Variants in MARCHF1 observed in about 807,000 individuals in gnomAD.
The protein encoded by MARCHF1 is membrane associated ring-CH-type finger 1, also known as E3 ubiquitin-protein ligase MARCHF1.
In MARCHF1, 40 loss-of-function variants were observed where a neutral mutation model predicts 54.2. That is an observed-to-expected ratio of 0.74 (90% CI 0.57 to 0.96). The LOEUF is 0.96. Among genes scored for constraint, MARCHF1 ranks in the 40% least tolerant of loss-of-function variants. The pLI is 0.00. For missense variants in MARCHF1, 586 were observed against 656.5 expected (o/e 0.89, Z 1.17); for synonymous variants, 236 against 236.3 (o/e 1.00, Z 0.01).
chr4:164,207,225 A>G (rs1731630972), intron 1 of MARCHF1, among the ~76,000 whole-genome samples: 2 of 152,194 alleles, frequency 1.3e-5, no homozygotes, highest in Non-Finnish European at 2.9e-5. Context: ...TTATTTCCTA[A>G]TACATCTGTA....
At chr4:163,864,616 A>G (rs1035752050) in intron 3 of MARCHF1, among the ~76,000 whole-genome samples, 2 of 152,034 alleles carry the variant, frequency 1.3e-5, no homozygotes, top group Non-Finnish European at 2.9e-5. Flanking sequence ...TAAGATGTTA[A>G]TAATAGGAGA....
At chr4:164,161,506 T>C (rs1730233425) in intron 1 of MARCHF1, among the ~76,000 whole-genome samples, 1 of 151,132 alleles carries the variant, frequency 6.6e-6, no homozygotes, top group African/African-American at 2.4e-5. Flanking sequence ...TATTTTTAAA[T>C]CTTTCCATGT....
chr4:163,556,149 CATT>C (rs1739278620), intron 8 of MARCHF1, among the ~76,000 whole-genome samples: 2 of 151,866 alleles, frequency 1.3e-5, no homozygotes, highest in South Asian at 4.2e-4. Flanking sequence ...ATGTATCGGA[CATT>C]GTTGTAGGAT....
chr4:163,780,730 G>A (rs566457577), intron 4 of MARCHF1, among the ~76,000 whole-genome samples: 1 of 152,258 alleles, frequency 6.6e-6, no homozygotes, highest in South Asian at 2.1e-4. Context: ...GTTGTTTTTG[G>A]TTTTCAAATA....
At chr4:163,644,200 A>C (rs1742667064) in intron 5 of MARCHF1, among the ~76,000 whole-genome samples, 1 of 152,150 alleles carries the variant, frequency 6.6e-6, no homozygotes, top group African/African-American at 2.4e-5. Context: ...TTAGAATAGA[A>C]GGTCCACCAC....
chr4:164,310,596 T>C (rs1579710113), intron 1 of MARCHF1, among the ~76,000 whole-genome samples: 1 of 151,564 alleles, frequency 6.6e-6, no homozygotes, highest in South Asian at 2.1e-4. Context: ...GTTTTTATGT[T>C]CAACAAAAAG....
chr4:163,747,255 A>G (rs1464199027), intron 4 of MARCHF1, among the ~76,000 whole-genome samples: 7 of 152,228 alleles, frequency 4.6e-5, no homozygotes, highest in African/African-American at 1.7e-4. Context: ...CTGAATCTAC[A>G]TTAGCTGACT....
intron 2 of MARCHF1, among the ~76,000 whole-genome samples, chr4:164,018,929 C>T (rs892039080): frequency 2.0e-5 from 3 of 152,140 alleles, no homozygotes; most frequent in African/African-American, 7.2e-5. Context: ...AATCCGTAAT[C>T]CACAAGAGAG....
intron 5 of MARCHF1, chr4:163,613,692 A>G (rs1014031310): frequency 2.8e-5 from 22 of 791,354 alleles, no homozygotes; most frequent in African/African-American, 3.7e-5. Flanking sequence ...GAATAGCTCA[A>G]TTTGCTTTGG....
intron 5 of MARCHF1, among the ~76,000 whole-genome samples, chr4:163,667,948 A>T (rs1264076010): frequency 2.6e-5 from 4 of 152,156 alleles, no homozygotes; most frequent in Non-Finnish European, 5.9e-5. Flanking sequence ...ATTTAATAAA[A>T]AGTATGATTT....
At chr4:163,553,746 G>A (rs944108492) in intron 8 of MARCHF1, among the ~76,000 whole-genome samples, 3 of 152,172 alleles carry the variant, frequency 2.0e-5, no homozygotes, top group Non-Finnish European at 4.4e-5. Context: ...AAAGGTTAAA[G>A]GAACTCAAAC....
At chr4:164,132,517 T>G (rs1311161259) in intron 1 of MARCHF1, among the ~76,000 whole-genome samples, 1 of 152,162 alleles carries the variant, frequency 6.6e-6, no homozygotes, top group Non-Finnish European at 1.5e-5. Flanking sequence ...GACCCACTAT[T>G]AGTGATCATC....
intron 9 of MARCHF1, among the ~76,000 whole-genome samples, chr4:163,535,952 C>A (rs551142817): frequency 1.3e-5 from 2 of 151,952 alleles, no homozygotes; most frequent in Non-Finnish European, 2.9e-5. Flanking sequence ...TATTAGAGGC[C>A]AGGCATGCTG....
intron 1 of MARCHF1, among the ~76,000 whole-genome samples, chr4:164,325,753 C>T (rs1278800896): frequency 1.3e-5 from 2 of 151,700 alleles, no homozygotes; most frequent in Admixed American, 6.6e-5. Flanking sequence ...AAAAAGACCT[C>T]AGTGCTCAAG....
chr4:164,130,264 A>C (rs1756272497), intron 1 of MARCHF1, among the ~76,000 whole-genome samples: 1 of 152,180 alleles, frequency 6.6e-6, no homozygotes, highest in Admixed American at 6.6e-5. Context: ...CATAATGTTA[A>C]CACATTTTTC....
chr4:164,086,558 T>C (rs1267832462), intron 2 of MARCHF1, among the ~76,000 whole-genome samples: 1 of 152,014 alleles, frequency 6.6e-6, no homozygotes, highest in East Asian at 1.9e-4. Context: ...CTCTTTGTTC[T>C]ACCCATCTTC....
intron 1 of MARCHF1, among the ~76,000 whole-genome samples, chr4:164,313,529 G>A (rs2111437211): frequency 6.6e-6 from 1 of 152,168 alleles, no homozygotes; most frequent in African/African-American, 2.4e-5. Flanking sequence ...AGAAATAAAG[G>A]AACAAAGCCT....
At chr4:164,216,565 ATTAAG>A (rs532315417) in intron 1 of MARCHF1, among the ~76,000 whole-genome samples, 1 of 152,220 alleles carries the variant, frequency 6.6e-6, no homozygotes, top group Non-Finnish European at 1.5e-5. Flanking sequence ...CAAAGAAATA[ATTAAG>A]TTTAGTTAAT....
chr4:163,903,563 T>A (rs1251466440), intron 3 of MARCHF1, among the ~76,000 whole-genome samples: 4 of 152,128 alleles, frequency 2.6e-5, no homozygotes, highest in African/African-American at 9.7e-5. Context: ...TTAATCTACA[T>A]AAACTTTTTT....
Sources: allele counts gnomAD v4.1 joint callset (sites outside exome capture counted in the v4.1 genomes callset), GRCh38; gene constraint gnomAD v4.1.1; transcripts MANE v1.5; gene names NCBI Gene and HGNC (gene_info 2026-07-23, HGNC 2026-07-21).